The following EYS variants were observed in gnomAD, a reference collection of about 807,000 sequenced individuals.
The protein encoded by EYS is protein eyes shut homolog.
EYS carries 250 observed loss-of-function variants against 282.1 expected under a neutral mutation model. That is an observed-to-expected ratio of 0.89 (90% CI 0.80 to 0.98). The LOEUF (loss-of-function observed/expected upper bound fraction) is 0.98. Ranked by LOEUF, EYS falls within the 50% of genes least tolerant of loss-of-function variation. The pLI is 0.00. For missense variants in EYS, 4,016 were observed against 3,709.0 expected, an observed-to-expected ratio of 1.08 and a Z score of -2.15; for synonymous variants, 1,355 against 1,282.9, an observed-to-expected ratio of 1.06 and a Z score of -1.20.
At chr6:64,549,693 C>T (rs1290282008) in intron 26 of EYS, among the ~76,000 whole-genome samples, 1 of 151,302 alleles carries the variant, frequency 6.6e-6, no homozygotes, top group Non-Finnish European at 1.5e-5. Flanking sequence ...CAGGAAATAT[C>T]CAATATACAC....
At chr6:65,429,686 A>G (rs185360425) in intron 5 of EYS, among the ~76,000 whole-genome samples, 1 of 152,270 alleles carries the variant, frequency 6.6e-6, no homozygotes, top group Non-Finnish European at 1.5e-5. Context: ...AAAACAAGCA[A>G]AAGAGAATAA....
chr6:65,329,378 T>C (rs1769714201), intron 11 of EYS: 1 of 887,418 alleles, frequency 1.1e-6, no homozygotes. Flanking sequence ...ATGAATGATT[T>C]CTATATCATT....
intron 22 of EYS, among the ~76,000 whole-genome samples, chr6:64,732,942 A>G (rs1772022683): frequency 6.6e-6 from 1 of 152,204 alleles, no homozygotes; most frequent in Non-Finnish European, 1.5e-5. Context: ...TAATCTAAAT[A>G]AAGCTGACCA....
At chr6:63,847,397 T>C (rs1035495944) in intron 36 of EYS, among the ~76,000 whole-genome samples, 1 of 152,128 alleles carries the variant, frequency 6.6e-6, no homozygotes, top group African/African-American at 2.4e-5. Context: ...TCCTCTTCCT[T>C]CCTCTCCCTT....
At chr6:65,453,117 A>T (rs145833455) in intron 5 of EYS, among the ~76,000 whole-genome samples, 54 of 152,142 alleles carry the variant, frequency 3.5e-4, no homozygotes, top group Admixed American at 7.9e-4. Context: ...TTTCACAGAC[A>T]TATGTGTGGT....
At chr6:64,786,607 C>A (rs1383103820) in intron 22 of EYS, among the ~76,000 whole-genome samples, 1 of 152,126 alleles carries the variant, frequency 6.6e-6, no homozygotes, top group Admixed American at 6.5e-5. Context: ...TGACACCATA[C>A]CGGGGTCCCC....
chr6:65,023,060 T>C (rs1583407975), intron 13 of EYS, among the ~76,000 whole-genome samples: 1 of 152,098 alleles, frequency 6.6e-6, no homozygotes, highest in South Asian at 2.1e-4. Flanking sequence ...TTGGTGGTGG[T>C]GAGATGTTCT....
intron 29 of EYS, among the ~76,000 whole-genome samples, chr6:64,314,420 C>A (rs186761536): frequency 2.6e-5 from 4 of 152,100 alleles, no homozygotes; most frequent in Admixed American, 2.6e-4. Flanking sequence ...CTTAGACTCC[C>A]GCATAATAAT....
At chr6:65,366,714 C>T (rs878867526) in intron 8 of EYS, among the ~76,000 whole-genome samples, 1 of 151,490 alleles carries the variant, frequency 6.6e-6, no homozygotes, top group Admixed American at 6.7e-5. Flanking sequence ...CTAACATTTC[C>T]GGAGGTCGGA....
chr6:65,190,688 T>C (rs1255563913), intron 12 of EYS, among the ~76,000 whole-genome samples: 2 of 151,760 alleles, frequency 1.3e-5, no homozygotes, highest in African/African-American at 4.8e-5. Context: ...CAAGCACTAG[T>C]GTGTTTGTTA....
At chr6:64,915,811 A>T (rs1359658469) in intron 15 of EYS, among the ~76,000 whole-genome samples, 2 of 152,190 alleles carry the variant, frequency 1.3e-5, no homozygotes, top group Non-Finnish European at 2.9e-5. Context: ...CACTTTACAG[A>T]TGAGATAGGT....
At chr6:64,094,631 T>C (rs142650751) in intron 31 of EYS, among the ~76,000 whole-genome samples, 59 of 152,306 alleles carry the variant, frequency 3.9e-4, no homozygotes, top group African/African-American at 1.4e-3. Context: ...ATTGCATCTA[T>C]TTGATTCTTC....
At chr6:64,101,994 A>G (rs1772844954) in intron 31 of EYS, among the ~76,000 whole-genome samples, 1 of 151,880 alleles carries the variant, frequency 6.6e-6, no homozygotes, top group Non-Finnish European at 1.5e-5. Flanking sequence ...CAGCGGGTGG[A>G]GCTCAAGCAG....
intron 35 of EYS, 56 bp downstream of exon 35, chr6:63,984,327 T>C: frequency 7.9e-7 from 1 of 1,273,306 alleles, no homozygotes. Context: ...GCTTTTGTTG[T>C]TTTAAGAATT....
At chr6:64,363,039 T>A (rs1244916035) in intron 29 of EYS, among the ~76,000 whole-genome samples, 1 of 151,202 alleles carries the variant, frequency 6.6e-6, no homozygotes, top group Non-Finnish European at 1.5e-5. Context: ...GGCTCACTAC[T>A]GCAGCCTTGG....
At chr6:65,198,122 G>A (rs928041492) in intron 12 of EYS, among the ~76,000 whole-genome samples, 6 of 151,766 alleles carry the variant, frequency 4.0e-5, no homozygotes, top group Non-Finnish European at 8.8e-5. Flanking sequence ...TTTTTAGTAC[G>A]TTTTGTTGAT....
intron 36 of EYS, 106 bp downstream of exon 36, chr6:63,864,080 T>G: frequency 9.5e-7 from 1 of 1,049,218 alleles, no homozygotes; most frequent in East Asian, 2.9e-5. Context: ...GAAGAAGATT[T>G]GATGTATTTG....
chr6:63,919,312 C>CTTTTTTTTTTTTT lies in EYS; in HGVS notation c.7056-54967_7056-54955dup, dbSNP rs562177760. 4.1e-5 allele frequency among the ~76,000 whole-genome samples: 2 copies of CTTTTTTTTTTTTT among 49,364 alleles called. 1 individual carries two copies. The allele number at this position is 49,364 out of a possible 152,430, so 32.4% of individuals were successfully genotyped here. A position where few individuals can be genotyped will look rare whatever the true frequency, so the allele number is the denominator to read the frequency against. ...AGAAGGAAGGGGAAAAGGGAACAGACTTTTTTTTTTTTTTTTTTTTTTTGT... is the reference window on the plus strand; with the variant it reads ...AGAAGGAAGGGGAAAAGGGAACAGACTTTTTTTTTTTTTTTTTTTTTTTTTTTTTTTTTTTTGT... On this transcript the variant is annotated intron_variant, in intron 35 of 42. Coordinates refer to ENST00000503581, the MANE Select transcript of EYS (RefSeq NM_001142800.2).
chr6:65,230,327 G>A (rs955332582), intron 12 of EYS, among the ~76,000 whole-genome samples: 1 of 151,084 alleles, frequency 6.6e-6, no homozygotes, highest in South Asian at 2.1e-4. Context: ...AAAAATAATT[G>A]GCGAATAGCA....
Sources: gnomAD v4.1 joint callset for allele counts (sites outside exome capture counted in the v4.1 genomes callset) on GRCh38, gnomAD v4.1.1 for gene constraint, MANE v1.5 for transcripts, NCBI Gene and HGNC (gene_info 2026-07-23, HGNC 2026-07-21) for gene names.